The following MEGF9 variants were observed in gnomAD, a reference collection of about 807,000 sequenced individuals.
MEGF9 encodes multiple EGF like domains 9.
In MEGF9, 6 loss-of-function variants were observed where a neutral mutation model predicts 46.8. The observed-to-expected ratio is 0.13, with a 90% CI of 0.07 to 0.25. The LOEUF is 0.25. Among genes scored for constraint, MEGF9 ranks in the 10% least tolerant of loss-of-function variants. The pLI, the probability that MEGF9 is intolerant of heterozygous loss-of-function variation, is 1.00. For missense variants in MEGF9, 683 were observed against 792.4 expected (o/e 0.86, Z 1.66); for synonymous variants, 302 against 330.7 (o/e 0.91, Z 0.94).
intron 1 of MEGF9, 106 bp from the exon 2 acceptor site, chr9:120,659,681 T>C (rs2132322771): frequency 5.4e-6 from 5 of 928,710 alleles, no homozygotes; most frequent in Middle Eastern, 2.8e-4. Context: ...GACAACTTTG[T>C]AAGGATAGAT....
chr9:120,637,583 G>A (rs971618448), intron 2 of MEGF9, among the ~76,000 whole-genome samples: 6 of 151,234 alleles, frequency 4.0e-5, no homozygotes, highest in African/African-American at 1.5e-4. Context: ...TATGAGGTCA[G>A]GAGTTCAAGA....
intron 1 of MEGF9, among the ~76,000 whole-genome samples, chr9:120,698,361 TC>T (rs1341327107): frequency 1.3e-5 from 2 of 152,216 alleles, no homozygotes; most frequent in East Asian, 3.8e-4. Flanking sequence ...TAAAATGTCT[TC>T]TATTTAGTCC....
intron 1 of MEGF9, among the ~76,000 whole-genome samples, chr9:120,703,560 C>A (rs939360782): frequency 2.0e-5 from 3 of 152,182 alleles, no homozygotes; most frequent in African/African-American, 7.2e-5. Flanking sequence ...ATATTAGTTA[C>A]CTTCCCTGCC....
At chr9:120,711,871 A>ACACACACACACACACAC (rs145059704) in intron 1 of MEGF9, among the ~76,000 whole-genome samples, 3 of 150,108 alleles carry the variant, frequency 2.0e-5, no homozygotes, top group Admixed American at 6.6e-5. Context: ...ACACACACAC[A>ACACACACACACACACAC]CCCACAGGCC....
At chr9:120,615,351 G>A (rs1247897660) in intron 3 of MEGF9, among the ~76,000 whole-genome samples, 2 of 149,656 alleles carry the variant, frequency 1.3e-5, no homozygotes, top group Non-Finnish European at 3.0e-5. Flanking sequence ...ACTCCTACAG[G>A]GCTACTGGGC....
chr9:120,627,316 G>A (rs1258771264), intron 2 of MEGF9, among the ~76,000 whole-genome samples: 4 of 152,140 alleles, frequency 2.6e-5, no homozygotes, highest in South Asian at 4.2e-4. Context: ...TAAATGTCTT[G>A]GCATGTTTTT....
At chr9:120,652,177 C>CAAAAAAAAA (rs1193007265) in intron 2 of MEGF9, among the ~76,000 whole-genome samples, 2 of 14,080 alleles carry the variant, frequency 1.4e-4, no homozygotes, top group Non-Finnish European at 3.1e-4. Flanking sequence ...CACACACACA[C>CAAAAAAAAA]ACACAAAAAA....
chr9:120,711,846 C>CAT (rs1454791775), intron 1 of MEGF9, among the ~76,000 whole-genome samples: 83 of 141,320 alleles, frequency 5.9e-4, no homozygotes, highest in African/African-American at 2.1e-3. Context: ...TACATACATA[C>CAT]ACACACACAC....
intron 1 of MEGF9, among the ~76,000 whole-genome samples, chr9:120,698,096 AG>A (rs751534011): frequency 3.3e-5 from 5 of 152,246 alleles, no homozygotes; most frequent in Non-Finnish European, 7.3e-5. Context: ...ATAGAAGCCC[AG>A]GAAGATTATG....
chr9:120,685,076 C>T (rs1466814170), intron 1 of MEGF9, among the ~76,000 whole-genome samples: 2 of 152,196 alleles, frequency 1.3e-5, no homozygotes, highest in Non-Finnish European at 2.9e-5. Flanking sequence ...CCTTGTGATC[C>T]ACCCGCCTGG....
At chr9:120,629,086 C>T (rs1421641531) in intron 2 of MEGF9, among the ~76,000 whole-genome samples, 1 of 152,150 alleles carries the variant, frequency 6.6e-6, no homozygotes, top group Admixed American at 6.5e-5. Flanking sequence ...AGATATCCTC[C>T]CACCTCAATC....
intron 1 of MEGF9, among the ~76,000 whole-genome samples, chr9:120,686,976 T>C (rs2132335858): frequency 6.6e-6 from 1 of 152,216 alleles, no homozygotes; most frequent in South Asian, 2.1e-4. Context: ...TGTGTATATA[T>C]ATATATTTAG....
intron 2 of MEGF9, among the ~76,000 whole-genome samples, chr9:120,651,739 G>A (rs934008396): frequency 4.7e-5 from 7 of 149,370 alleles, no homozygotes; most frequent in South Asian, 2.1e-4. Flanking sequence ...TGCAACCTCC[G>A]CCTCCCCGGT....
At chr9:120,621,956 T>G (rs1330359468) in intron 3 of MEGF9, among the ~76,000 whole-genome samples, 1 of 152,176 alleles carries the variant, frequency 6.6e-6, no homozygotes, top group Non-Finnish European at 1.5e-5. Context: ...TGTATTGGCC[T>G]TTGGTAATTT....
At chr9:120,616,361 T>C (rs541873380) in intron 3 of MEGF9, among the ~76,000 whole-genome samples, 4 of 152,000 alleles carry the variant, frequency 2.6e-5, no homozygotes, top group African/African-American at 4.8e-5. Flanking sequence ...TTACAACTCC[T>C]CTGTGAGAGG....
intron 2 of MEGF9, among the ~76,000 whole-genome samples, chr9:120,640,147 T>C (rs1391822350): frequency 6.6e-6 from 1 of 152,210 alleles, no homozygotes; most frequent in African/African-American, 2.4e-5. Flanking sequence ...TGGATATCTG[T>C]GTATATATTT....
intron 1 of MEGF9, among the ~76,000 whole-genome samples, chr9:120,688,489 C>T (rs1460945206): frequency 1.3e-5 from 2 of 152,190 alleles, no homozygotes; most frequent in African/African-American, 4.8e-5. Context: ...ACCTGCTAAA[C>T]ATTATTTCAG....
intron 1 of MEGF9, among the ~76,000 whole-genome samples, chr9:120,687,533 A>G: frequency 6.6e-6 from 1 of 152,230 alleles, no homozygotes; most frequent in African/African-American, 2.4e-5. Context: ...TGGACTATTC[A>G]TACAGTAGGA....
intron 2 of MEGF9, among the ~76,000 whole-genome samples, chr9:120,646,038 A>G (rs928615457): frequency 2.6e-5 from 4 of 152,170 alleles, no homozygotes; most frequent in African/African-American, 9.7e-5. Context: ...GCATTTCCAT[A>G]AGTTCAACTT....
Sources: allele counts gnomAD v4.1 joint callset (sites outside exome capture counted in the v4.1 genomes callset), GRCh38; gene constraint gnomAD v4.1.1; transcripts MANE v1.5; gene names NCBI Gene and HGNC (gene_info 2026-07-23, HGNC 2026-07-21).